The following PLAAT1 variants were observed in gnomAD, a reference collection of about 807,000 sequenced individuals.
PLAAT1 encodes phospholipase A and acyltransferase 1.
Under a neutral mutation model 16.4 loss-of-function variants are expected in PLAAT1, and 13 were observed. The observed-to-expected ratio is 0.79, with a 90% CI of 0.52 to 1.26. The LOEUF (loss-of-function observed/expected upper bound fraction) is 1.26. Ranked by LOEUF, PLAAT1 falls within the 50% of genes most tolerant of loss-of-function variation. PLAAT1 has a pLI of 0.00. For synonymous variants in PLAAT1, 73 were observed against 78.4 expected, an observed-to-expected ratio of 0.93 and a Z score of 0.36; for missense variants, 218 against 207.8, an observed-to-expected ratio of 1.05 and a Z score of -0.30.
In PLAAT1 at chr3:193,270,669, C is replaced by T. The variant is rs1716956813; in HGVS notation, c.471C>T (p.Gly157=). 2 of 1,613,380 alleles carry T rather than the reference C, an allele frequency of 1.2e-6. No individual in the cohort carries two copies. The highest frequency in any genetic ancestry group is 1.7e-6 in the Non-Finnish European group (2 of 1,179,476). ...CTGTTGGTGTCTTCTCATTCCTGGG[C>T]TTGTTTCCAAAAGGACAAAGAGCAA... The part of the protein sequence containing the change: ...TAAVGVFSFL[G]LFPKGQRAKY... The change falls in exon 4 of 4, where the codon GGC becomes GGT. Residue 157 remains glycine, a synonymous_variant. Coordinates refer to ENST00000264735, the MANE Select transcript of PLAAT1 (RefSeq NM_020386.5).
downstream of PLAAT1, among the ~76,000 whole-genome samples, chr3:193,273,333 T>A (rs1265312151): frequency 6.6e-6 from 1 of 152,214 alleles, no homozygotes; most frequent in Non-Finnish European, 1.5e-5. Flanking sequence ...ATTATACACA[T>A]TGTAGAAATT....
At chr3:193,241,141 C>T (rs1715715111), upstream of PLAAT1, 2 of 954,706 alleles carry the variant, frequency 2.1e-6, no homozygotes, top group Non-Finnish European at 2.7e-6. Flanking sequence ...GGCGGGCGGG[C>T]GAAGCTGGGC....
intron 2 of PLAAT1, among the ~76,000 whole-genome samples, chr3:193,257,769 C>G (rs1291391880): frequency 6.6e-6 from 1 of 152,146 alleles, no homozygotes; most frequent in African/African-American, 2.4e-5. Flanking sequence ...TGGGCACCAT[C>G]TAATCAGCTG....
At chr3:193,269,531 G>A (rs893983293) in intron 3 of PLAAT1, among the ~76,000 whole-genome samples, 3 of 152,200 alleles carry the variant, frequency 2.0e-5, no homozygotes, top group Admixed American at 6.5e-5. Flanking sequence ...GCAGTAATAC[G>A]TGGGTGGCAG....
At chr3:193,274,991 A>G (rs1483243061), downstream of PLAAT1, 46 of 1,599,616 alleles carry the variant, frequency 2.9e-5, no homozygotes, top group Non-Finnish European at 3.8e-5. Flanking sequence ...ACAATGTGTT[A>G]ATTTTGGGGA....
chr3:193,248,151 A>G (rs1160280767), intron 1 of PLAAT1, among the ~76,000 whole-genome samples: 1 of 152,184 alleles, frequency 6.6e-6, no homozygotes, highest in African/African-American at 2.4e-5. Context: ...TCATCATTAT[A>G]TAATAACTTT....
rs912319648 is a variant in PLAAT1, at chr3:193,262,288, A to G, written c.140-682A>G. On this transcript the variant is annotated intron_variant, in intron 2 of 3. Coordinates refer to ENST00000264735, the MANE Select transcript of PLAAT1 (RefSeq NM_020386.5). ...AGTGGGTAGGTCACTGCCTGGGGCC[A>G]TGTCTGGTAGACAGTGCCTACCAAG... Among the ~76,000 whole-genome samples, 28 of 150,424 alleles carry G rather than the reference A, an allele frequency of 1.9e-4. 1 individual carries two copies. In the South Asian group the frequency reaches 5.7e-3, roughly 30 times the overall value.
chr3:193,252,429 G>A (rs1716225691), intron 1 of PLAAT1, among the ~76,000 whole-genome samples: 1 of 152,124 alleles, frequency 6.6e-6, no homozygotes, highest in African/African-American at 2.4e-5. Context: ...TTGAGTTTGA[G>A]GAGTCCTTTA....
chr3:193,270,620 G>C lies in PLAAT1; in HGVS notation c.422G>C (p.Ser141Thr), dbSNP rs768386982. 1.9e-6 allele frequency: 3 copies of C among 1,613,548 alleles called. No individual in the cohort carries two copies. In the South Asian group the frequency reaches 3.3e-5, roughly 18 times the overall value. Residue 141 changes from serine to threonine, a missense_variant, in exon 4 of 4, where the codon AGT becomes ACT. By Grantham distance (58) the Ser-to-Thr change is moderately conservative. Coordinates refer to ENST00000264735, the MANE Select transcript of PLAAT1 (RefSeq NM_020386.5). ...GVSEQANRAI[S>T]TVEFVTAAVG... Reference sequence around the variant, plus strand: ...TCCTTATAGGCCAACCGAGCGATAAGTACCGTTGAGTTTGTGACAGCTGCT... The same window carrying C: ...TCCTTATAGGCCAACCGAGCGATAACTACCGTTGAGTTTGTGACAGCTGCT...
At chr3:193,250,712 C>A (rs1716159137) in intron 1 of PLAAT1, among the ~76,000 whole-genome samples, 1 of 152,098 alleles carries the variant, frequency 6.6e-6, no homozygotes, top group African/African-American at 2.4e-5. Context: ...AAGCAGAAAT[C>A]TCACACCCTC....
At chr3:193,255,509 AGGAC>A in intron 1 of PLAAT1, 138 bp from the exon 2 acceptor site, 1 of 729,460 alleles carries the variant, frequency 1.4e-6, no homozygotes, top group South Asian at 3.0e-5. Context: ...TTCAAAGAAA[AGGAC>A]AGGGTCGTGA....
At chr3:193,269,455 T>C (rs1716911683) in intron 3 of PLAAT1, among the ~76,000 whole-genome samples, 1 of 152,180 alleles carries the variant, frequency 6.6e-6, no homozygotes, top group South Asian at 2.1e-4. Flanking sequence ...TGTCCCTCTT[T>C]CCTGGCCCTG....
downstream of PLAAT1, among the ~76,000 whole-genome samples, chr3:193,273,174 T>C (rs1053383974): frequency 1.3e-5 from 2 of 152,226 alleles, no homozygotes; most frequent in Non-Finnish European, 2.9e-5. Context: ...ATCAATTGAA[T>C]CTTTTCATTC....
chr3:193,244,150 T>C (rs964731863), intron 1 of PLAAT1, among the ~76,000 whole-genome samples: 1 of 152,210 alleles, frequency 6.6e-6, no homozygotes, highest in African/African-American at 2.4e-5. Context: ...GTCATCTTGG[T>C]TGTTTCCACT....
intron 1 of PLAAT1, among the ~76,000 whole-genome samples, chr3:193,244,503 A>G (rs963637247): frequency 6.6e-6 from 1 of 151,310 alleles, no homozygotes; most frequent in African/African-American, 2.4e-5. Context: ...ATTTATATTT[A>G]TGGGGTACAA....
At chr3:193,260,979 G>C (rs1448196992) in intron 2 of PLAAT1, among the ~76,000 whole-genome samples, 1 of 152,126 alleles carries the variant, frequency 6.6e-6, no homozygotes, top group Non-Finnish European at 1.5e-5. Context: ...ACTTCTGGGT[G>C]GTGGGATAAT....
At chr3:193,260,551 C>T (rs1417328278) in intron 2 of PLAAT1, among the ~76,000 whole-genome samples, 3 of 152,136 alleles carry the variant, frequency 2.0e-5, no homozygotes, top group African/African-American at 7.2e-5. Context: ...GGAACAGACA[C>T]TTCTGAAAAG....
rs746226759 is a variant in PLAAT1, at chr3:193,270,608, A to G, written c.410A>G (p.Asn137Ser). The change falls in exon 4 of 4, where the codon AAC becomes AGC. Residue 137 changes from asparagine (N) to serine (S), a missense_variant. Coordinates refer to ENST00000264735, the MANE Select transcript of PLAAT1 (RefSeq NM_020386.5). The part of the protein sequence containing the change: ...RYGEGVSEQA[N>S]RAISTVEFVT... ...TTACTTCTTGTTTCCTTATAGGCCA[A>G]CCGAGCGATAAGTACCGTTGAGTTT... 9 of 1,612,350 alleles carry G rather than the reference A, an allele frequency of 5.6e-6. No individual in the cohort carries two copies. In the Admixed American group the frequency reaches 1.2e-4, roughly 21 times the overall value.
At chr3:193,252,679 T>G (rs1250979375) in intron 1 of PLAAT1, among the ~76,000 whole-genome samples, 1 of 152,172 alleles carries the variant, frequency 6.6e-6, no homozygotes, top group Admixed American at 6.5e-5. Context: ...TATTTTATAG[T>G]TTTACATATA....
Sources: gnomAD v4.1 joint callset for allele counts (sites outside exome capture counted in the v4.1 genomes callset) on GRCh38, gnomAD v4.1.1 for gene constraint, MANE v1.5 for transcripts, NCBI Gene and HGNC (gene_info 2026-07-23, HGNC 2026-07-21) for gene names.